The following MYCBP2 variants were observed in gnomAD, a reference collection of about 807,000 sequenced individuals.
MYCBP2 encodes E3 ubiquitin-protein ligase MYCBP2.
MYCBP2 carries 120 observed loss-of-function variants against 525.3 expected under a neutral mutation model. The ratio of observed to expected loss-of-function variants is 0.23; its 90% CI spans 0.20 to 0.27. The LOEUF is 0.27. MYCBP2 is among the 10% of genes least tolerant of loss of function. The probability of loss-of-function intolerance (pLI) is 1.00; values close to 1 mark genes in which losing one functional copy is unlikely to be tolerated. For missense variants in MYCBP2, 4,149 were observed against 5,657.1 expected (o/e 0.73, Z 8.55); for synonymous variants, 1,894 against 1,955.8 (o/e 0.97, Z 0.83).
chr13:77,104,133 T>A (rs181934003), intron 55 of MYCBP2, among the ~76,000 whole-genome samples: 1 of 152,210 alleles, frequency 6.6e-6, no homozygotes, highest in East Asian at 1.9e-4. Flanking sequence ...TTTTAACTCA[T>A]AGCAATTAAA....
intron 14 of MYCBP2, among the ~76,000 whole-genome samples, chr13:77,252,276 CAATCCTTACA>C (rs2071343670): frequency 6.6e-6 from 1 of 152,104 alleles, no homozygotes; most frequent in African/African-American, 2.4e-5. Context: ...ACATTTTTTA[CAATCCTTACA>C]ATGTAAAATC....
At chr13:77,093,667 T>C (rs1012176415) in intron 58 of MYCBP2, among the ~76,000 whole-genome samples, 2 of 152,098 alleles carry the variant, frequency 1.3e-5, no homozygotes, top group Non-Finnish European at 2.9e-5. Flanking sequence ...TAGCCCTCTA[T>C]CATCATCATC....
In MYCBP2 at chr13:77,230,477, C is replaced by T. The variant is rs183170144; in HGVS notation, c.2737+2679G>A. ...CATCCCTTATTTGAAATGCTTGGGA[C>T]CAGAAGTGTTTTGGATTTTGGAGTT... On this transcript the variant is annotated intron_variant, in intron 18 of 82. Transcript: ENST00000544440. Among the ~76,000 whole-genome samples, 4 of 152,138 alleles carry T rather than the reference C, an allele frequency of 2.6e-5. No individual in the cohort carries two copies. The East Asian group carries it at 7.7e-4, about 29-fold the overall frequency.
At chr13:77,139,451 T>A in intron 51 of MYCBP2, 115 bp from the exon 52 acceptor site, 1 of 1,180,706 alleles carries the variant, frequency 8.5e-7, no homozygotes, top group Non-Finnish European at 1.2e-6. Flanking sequence ...ATTAAGCATC[T>A]AGTTTTTGCA....
At chr13:77,257,541 A>C in intron 14 of MYCBP2, 130 bp downstream of exon 14, 2 of 996,060 alleles carry the variant, frequency 2.0e-6, no homozygotes, top group Non-Finnish European at 2.8e-6. Flanking sequence ...TTTTAAAAAA[A>C]ATTTAAATAG....
At chr13:77,174,525 A>T (rs771347072) in intron 36 of MYCBP2, 36 bp from the exon 37 acceptor site, 79 of 1,558,968 alleles carry the variant, frequency 5.1e-5, no homozygotes, top group Non-Finnish European at 6.1e-5. Context: ...TTTTATTCAC[A>T]ATGTACAGAG....
chr13:77,260,131 T>A (rs2073011511), intron 13 of MYCBP2, among the ~76,000 whole-genome samples: 1 of 152,156 alleles, frequency 6.6e-6, no homozygotes, highest in Non-Finnish European at 1.5e-5. Context: ...ACTACCACTG[T>A]CCCAGGGACA....
intron 2 of MYCBP2, among the ~76,000 whole-genome samples, chr13:77,295,110 C>G (rs1224046454): frequency 6.6e-6 from 1 of 152,004 alleles, no homozygotes; most frequent in Non-Finnish European, 1.5e-5. Flanking sequence ...GAAGCAAGAG[C>G]TGAAAATATG....
rs1594510253 is a variant in MYCBP2, at chr13:77,097,917, C to T, written c.9237G>A (p.Glu3079=). The change falls in exon 56 of 83, where the codon GAG becomes GAA. Residue 3079 remains glutamate, a synonymous_variant. Coordinates refer to ENST00000544440, the MANE Select transcript of MYCBP2 (RefSeq NM_015057.5). ...TATTTTTTAACTTGGTTTCTTTTTC[C>T]TCTGTAGGTTGTTGGCTATTTAAAC... ...RSSLNSQQPT[E]EKETKLKNRH... 1.2e-6 allele frequency: 2 copies of T among 1,612,234 alleles called. No homozygotes were observed.
chr13:77,106,100 C>T (rs1012693041), intron 55 of MYCBP2, among the ~76,000 whole-genome samples: 2 of 152,126 alleles, frequency 1.3e-5, no homozygotes, highest in African/African-American at 4.8e-5. Flanking sequence ...AGGACCCTGA[C>T]CTTATCTCTG....
At chr13:77,093,626 A>G (rs1032209300) in intron 58 of MYCBP2, among the ~76,000 whole-genome samples, 2 of 152,080 alleles carry the variant, frequency 1.3e-5, no homozygotes, top group Non-Finnish European at 2.9e-5. Context: ...CAGTTGCTTA[A>G]GCTAAAATAT....
rs1382870749 is a variant in MYCBP2 at position 77,098,469 on chromosome 13, C to T, written c.8685G>A (p.Arg2895=). Residue 2895 remains arginine (R), a synonymous_variant, in exon 56 of 83, where the codon CGG becomes CGA. Coordinates refer to ENST00000544440, the MANE Select transcript of MYCBP2 (RefSeq NM_015057.5). The part of the protein sequence containing the change: ...KMPLTEPLRG[R]STSPKPKSVP... ...CTGATTTTGGTTTTGGTGACGTTGA[C>T]CGTCCTCTCAAAGGTTCTGTGAGGG... The T allele has an allele frequency of 3.1e-6, 5 of 1,613,680 alleles. No individual in the cohort carries two copies. The highest frequency in any genetic ancestry group is 1.1e-5 in the South Asian group (1 of 91,068).
At chr13:77,111,583 A>ATTTTT (rs33938909) in intron 55 of MYCBP2, among the ~76,000 whole-genome samples, 1 of 147,352 alleles carries the variant, frequency 6.8e-6, no homozygotes. Flanking sequence ...TGCTTGGCTA[A>ATTTTT]TTTTTTTTTT....
At chr13:77,116,835 T>C (rs1478458694) in intron 55 of MYCBP2, among the ~76,000 whole-genome samples, 1 of 152,060 alleles carries the variant, frequency 6.6e-6, no homozygotes, top group East Asian at 1.9e-4. Flanking sequence ...TTAATTAAAT[T>C]TGGTAAAATT....
intron 52 of MYCBP2, among the ~76,000 whole-genome samples, chr13:77,131,077 T>A (rs2052706870): frequency 6.6e-6 from 1 of 152,220 alleles, no homozygotes; most frequent in East Asian, 1.9e-4. Context: ...AACTTTATAC[T>A]TTTTTGCTTT....
intron 3 of MYCBP2, among the ~76,000 whole-genome samples, chr13:77,282,411 GAA>G (rs35046756): frequency 1.8e-4 from 19 of 108,398 alleles, no homozygotes; most frequent in Admixed American, 5.6e-4. Flanking sequence ...ACTCCATCTT[GAA>G]AAAAAAAAAA....
intron 55 of MYCBP2, among the ~76,000 whole-genome samples, chr13:77,117,385 T>A (rs913884029): frequency 2.6e-5 from 4 of 152,088 alleles, no homozygotes; most frequent in African/African-American, 7.2e-5. Context: ...TATACTCTTG[T>A]GTACCCTTTA....
At chr13:77,325,314 C>G (rs2082153255) in intron 1 of MYCBP2, among the ~76,000 whole-genome samples, 1 of 152,162 alleles carries the variant, frequency 6.6e-6, no homozygotes, top group Non-Finnish European at 1.5e-5. Context: ...CTCATTTTGA[C>G]AGTTTCCTAC....
chr13:77,199,644 C>T (rs1035376617), intron 26 of MYCBP2, among the ~76,000 whole-genome samples: 3 of 152,206 alleles, frequency 2.0e-5, no homozygotes, highest in Non-Finnish European at 4.4e-5. Flanking sequence ...ATGTCCCTGT[C>T]TGACAGCTTT....
Sources: allele counts gnomAD v4.1 joint callset (sites outside exome capture counted in the v4.1 genomes callset), GRCh38; gene constraint gnomAD v4.1.1; transcripts MANE v1.5; gene names NCBI Gene and HGNC (gene_info 2026-07-23, HGNC 2026-07-21).